The following NSMF variants were observed in gnomAD, a reference collection of about 807,000 sequenced individuals.
NSMF encodes NMDA receptor synaptonuclear signaling and neuronal migration factor.
In NSMF, 31 loss-of-function variants were observed where a neutral mutation model predicts 71.0. That is an observed-to-expected ratio of 0.44 (90% CI 0.33 to 0.59). The LOEUF (loss-of-function observed/expected upper bound fraction) is 0.59. NSMF is among the 20% of genes least tolerant of loss of function. The pLI, the probability that NSMF is intolerant of heterozygous loss-of-function variation, is 0.04. For missense variants in NSMF, 673 were observed against 740.5 expected, an observed-to-expected ratio of 0.91 and a Z score of 1.06; for synonymous variants, 345 against 287.1, an observed-to-expected ratio of 1.20 and a Z score of -2.04.
chr9:137,454,485 TGACGGCAG>T lies in NSMF; in HGVS notation c.780-50_780-43del, dbSNP rs1830731378. ...GGGGCTGAAGAGGGCCGTGAGAGGG[TGACGGCAG>T]CCCCTGCCCACCTAGCCCCCGTCGG... On this transcript the variant is annotated intron_variant, in intron 6 of 15. Transcript: ENST00000371475. 2.6e-6 allele frequency: 4 copies of T among 1,549,482 alleles called. No homozygotes were observed. The East Asian group carries it at 9.8e-5, about 38-fold the overall frequency.
intron 12 of NSMF, among the ~76,000 whole-genome samples, chr9:137,451,153 T>G (rs1313714947): frequency 8.4e-5 from 2 of 23,770 alleles, no homozygotes; most frequent in Admixed American, 3.6e-4. Flanking sequence ...CTTCCCCTTG[T>G]TCTGCCCTCC....
In NSMF at chr9:137,453,266, G is replaced by A. The variant is rs1308036323; in HGVS notation, c.923-86C>T. 1 of 1,585,226 alleles carries A rather than the reference G, an allele frequency of 6.3e-7. No homozygotes were observed. Among genetic ancestry groups the A allele is most frequent in the Non-Finnish European group, 8.6e-7 (1 of 1,169,406 alleles). On this transcript the variant is annotated intron_variant, in intron 8 of 15. Coordinates refer to ENST00000371475, the MANE Select transcript of NSMF (RefSeq NM_001130969.3). This position sits in a 1 kb window ranked among gnomAD's most constrained non-coding sequence, Gnocchi z 4.5. ...GCCCCAAGGCCCACAGGGCCCGAAA[G>A]CCCCATCCCGGAGGGTCCTCCAAGC...
In NSMF at chr9:137,454,408, C is replaced by T; in HGVS notation, c.815G>A (p.Arg272Gln). 1 of 1,550,280 alleles carries T rather than the reference C, an allele frequency of 6.5e-7. No individual in the cohort carries two copies. ...FRKHLRMVGS[R>Q]RVKAQTFAER... is the part of the protein sequence containing the mutation. ...GGTCTTACTCTGGGCCTTCACCCTC[C>T]GGCTGCCGACCATGCGCAGGTGTTT... The change falls in exon 7 of 16, where the codon CGG becomes CAG. Residue 272 changes from arginine to glutamine, a missense_variant. Arg to Gln is a conservative substitution (Grantham distance 43, BLOSUM62 1). Coordinates refer to ENST00000371475, the MANE Select transcript of NSMF (RefSeq NM_001130969.3).
At position 137,453,019 on chromosome 9, in the gene NSMF, C is replaced by G; in HGVS notation, c.1047+37G>C. On this transcript the variant is annotated intron_variant, in intron 9 of 15. Coordinates refer to ENST00000371475, the MANE Select transcript of NSMF (RefSeq NM_001130969.3). The surrounding 1 kb of genome is among the most constrained non-coding windows in gnomAD (Gnocchi z 4.5). The stretch of plus-strand genomic sequence containing the variant: ...ACTCGGGTTGGGGCGGAGTCCTGCT[C>G]GGGGTGTAGAGGAGCACTGCCCGGG... 2 of 1,610,714 alleles carry G rather than the reference C, an allele frequency of 1.2e-6. No homozygotes were observed. Among genetic ancestry groups the G allele is most frequent in the South Asian group, 1.1e-5 (1 of 90,988 alleles).
At position 137,449,689 on chromosome 9, in the gene NSMF, G is replaced by C; in HGVS notation, c.1420-15C>G. On this transcript the variant is annotated splice_polypyrimidine_tract_variant and intron_variant, in intron 14 of 15. Coordinates refer to ENST00000371475, the MANE Select transcript of NSMF (RefSeq NM_001130969.3). ...TTCTGGAACAGCTGGAGGAAGCGGG[G>C]TGCCATGAGTCCGAGGCAGAGAGAT... 1 of 1,608,968 alleles carries C rather than the reference G, an allele frequency of 6.2e-7. No homozygotes were observed. The highest frequency in any genetic ancestry group is 8.5e-7 in the Non-Finnish European group (1 of 1,177,086).
rs1830410787 is a variant in NSMF at position 137,450,270 on chromosome 9, G to C, written c.1237-15C>G. 1.9e-6 allele frequency: 3 copies of C among 1,607,638 alleles called. No individual in the cohort carries two copies. The African/African-American group carries it at 4.0e-5, about 22-fold the overall frequency. On this transcript the variant is annotated splice_polypyrimidine_tract_variant and intron_variant, in intron 12 of 15. Coordinates refer to ENST00000371475, the MANE Select transcript of NSMF (RefSeq NM_001130969.3). Reference sequence around the variant, plus strand: ...CCAGGACCTCCCTGTAAGAAGCTGTGGTCAGGCATCTGCTCCTCCTTCCTC... The same window carrying C: ...CCAGGACCTCCCTGTAAGAAGCTGTCGTCAGGCATCTGCTCCTCCTTCCTC...
At position 137,449,305 on chromosome 9, in the gene NSMF, C is replaced by G; in HGVS notation, c.*89G>C. 3.5e-6 allele frequency: 4 copies of G among 1,132,044 alleles called. No individual in the cohort carries two copies. Among genetic ancestry groups the G allele is most frequent in the Non-Finnish European group, 5.2e-6 (4 of 761,992 alleles). The allele number at this position is 1,132,044 out of a possible 1,614,324, so 70.1% of individuals were successfully genotyped here. ...GTGGCTCCAGGCGAGACCGGAGCCA[C>G]ACAGTCCCGGGGAGCACGAGGCGGC... On this transcript the variant is annotated 3_prime_UTR_variant, in exon 16 of 16. Coordinates refer to ENST00000371475, the MANE Select transcript of NSMF (RefSeq NM_001130969.3).
chr9:137,454,684 A>T (rs1341157620), intron 6 of NSMF: 1 of 1,523,168 alleles, frequency 6.6e-7, no homozygotes, highest in East Asian at 2.5e-5. Context: ...GGCGCTCTGG[A>T]TCAAGTCTCC....
intron 4 of NSMF, 113 bp from the exon 5 acceptor site, chr9:137,455,747 A>G: frequency 8.4e-7 from 1 of 1,190,046 alleles, no homozygotes. Context: ...TCACTGACCC[A>G]ATAGGTCCCT....
chr9:137,453,209 C>G lies in NSMF; in HGVS notation c.923-29G>C, dbSNP rs1215567309. 5 of 1,611,258 alleles carry G rather than the reference C, an allele frequency of 3.1e-6. No homozygotes were observed. In the Admixed American group the frequency reaches 6.7e-5, roughly 21 times the overall value. On this transcript the variant is annotated intron_variant, in intron 8 of 15. Transcript: ENST00000371475. This position sits in a 1 kb window ranked among gnomAD's most constrained non-coding sequence, Gnocchi z 4.5. ...GGAAGCAAGAGGGTCACCAGGACAG[C>G]AGGCCCGGCAGCACCTCCTATCCTG...
chr9:137,458,368 G>A (rs887072967), intron 2 of NSMF, 120 bp downstream of exon 2: 3 of 909,190 alleles, frequency 3.3e-6, no homozygotes, highest in African/African-American at 1.6e-5. Flanking sequence ...AAGCCAGGCC[G>A]GCAGGGCGCC....
chr9:137,457,959 C>T, intron 2 of NSMF, 58 bp from the exon 3 acceptor site: 1 of 1,534,610 alleles, frequency 6.5e-7, no homozygotes, highest in Non-Finnish European at 8.7e-7. Flanking sequence ...CTGCCGGTTT[C>T]ATAGCAGGCC....
intron 10 of NSMF, 53 bp downstream of exon 10, chr9:137,452,683 G>A: frequency 6.2e-7 from 1 of 1,601,058 alleles, no homozygotes. Flanking sequence ...CGCTGGCCCA[G>A]GGTGGGGCCG....
rs372785928 is a variant in NSMF at position 137,458,176 on chromosome 9, C to T, written c.134-275G>A. 1.3e-4 allele frequency among the ~76,000 whole-genome samples: 20 copies of T among 152,304 alleles called. No homozygotes were observed. The East Asian group carries it at 2.7e-3, about 21-fold the overall frequency. The stretch of plus-strand genomic sequence containing the variant: ...GCCATCCCCCAGCCTGCGATCGCAC[C>T]GTTTGCCTGGTGCCAACTTCCCCCT... On this transcript the variant is annotated intron_variant, in intron 2 of 15. Transcript: ENST00000371475.
At chr9:137,455,670 AAG>A (rs777039863) in intron 4 of NSMF, 36 bp from the exon 5 acceptor site, 383 of 1,550,204 alleles carry the variant, frequency 2.5e-4, no homozygotes, top group South Asian at 1.3e-3. Context: ...CGTGAGAGAG[AAG>A]ACACAGTGAG....
Position 137,455,705 on chromosome 9 carries a change from G to A in NSMF, c.705-71C>T, listed in dbSNP as rs1005935379. Reference sequence around the variant, plus strand: ...GAGCTCAACCCCGGGCCTCCCCTCAGCCCCCACCCGGTCCCTACAGTTCCC... The same window carrying A: ...GAGCTCAACCCCGGGCCTCCCCTCAACCCCCACCCGGTCCCTACAGTTCCC... On this transcript the variant is annotated intron_variant, in intron 4 of 15. Coordinates refer to ENST00000371475, the MANE Select transcript of NSMF (RefSeq NM_001130969.3). 1.7e-5 allele frequency: 25 copies of A among 1,511,626 alleles called. 1 individual carries two copies. In the South Asian group the frequency reaches 3.0e-4, roughly 18 times the overall value. 93.6% of individuals were successfully genotyped at this position (1,511,626 alleles called of 1,614,324 possible).
Position 137,448,858 on chromosome 9 carries a change from G to A in NSMF, c.*536C>T, listed in dbSNP as rs917733123. The A allele has an allele frequency of 4.3e-6, 1 of 230,786 alleles. No individual in the cohort carries two copies. The highest frequency in any genetic ancestry group is 8.7e-6 in the Non-Finnish European group (1 of 114,438). 14.3% of individuals were successfully genotyped at this position (230,786 alleles called of 1,614,324 possible). A position where few individuals can be genotyped will look rare whatever the true frequency, so the allele number is the denominator to read the frequency against. On this transcript the variant is annotated 3_prime_UTR_variant, in exon 16 of 16. Coordinates refer to ENST00000371475, the MANE Select transcript of NSMF (RefSeq NM_001130969.3). The surrounding 1 kb of genome is among the most constrained non-coding windows in gnomAD (Gnocchi z 5.3). ...GACTCGGCCAGTGTAGACAGAGCCA[G>A]GCTGGGCAGCCCGGCGACGCTGGCC...
chr9:137,455,039 G>C, intron 6 of NSMF, 200 bp downstream of exon 6: 1 of 735,806 alleles, frequency 1.4e-6, no homozygotes, highest in Non-Finnish European at 2.5e-6. Context: ...ACGTGCCCTC[G>C]GAGTGCAGGA....
chr9:137,457,613 G>T lies in NSMF; in HGVS notation c.422C>A (p.Ala141Asp). 1 of 1,551,628 alleles carries T rather than the reference G, an allele frequency of 6.4e-7. No homozygotes were observed. Among genetic ancestry groups the T allele is most frequent in the Non-Finnish European group, 8.7e-7 (1 of 1,147,504 alleles). ...GTCCTCCCGGCTGCCACCAGGGCTG[G>T]CGCGCAGGGGCTGGCTGTGATGGTG... ...HPHHHSQPLR[A>D]SPGGSREDVS... The change falls in exon 3 of 16, where the codon GCC becomes GAC. Residue 141 changes from alanine to aspartate, a missense_variant. Physicochemically the swap from Ala to Asp is moderately radical, Grantham distance 126 (BLOSUM62 -2). Transcript: ENST00000371475.
Sources: allele counts gnomAD v4.1 joint callset (sites outside exome capture counted in the v4.1 genomes callset), GRCh38; gene constraint gnomAD v4.1.1; non-coding constraint Gnocchi (gnomAD v3.1); transcripts MANE v1.5; gene names NCBI Gene and HGNC (gene_info 2026-07-23, HGNC 2026-07-21).